The following HDAC4 variants were observed in gnomAD, a reference collection of about 807,000 sequenced individuals.
HDAC4 encodes the protein histone deacetylase A.
A neutral mutation model predicts 135.1 loss-of-function variants in HDAC4; 16 were observed. The ratio of observed to expected loss-of-function variants is 0.12; its 90% CI spans 0.08 to 0.18. The LOEUF is 0.18. Among genes scored for constraint, HDAC4 ranks in the 10% least tolerant of loss-of-function variants. The pLI, the probability that HDAC4 is intolerant of heterozygous loss-of-function variation, is 1.00. For missense variants in HDAC4, 1,143 were observed against 1,511.8 expected, an observed-to-expected ratio of 0.76 and a Z score of 4.05; for synonymous variants, 685 against 653.4, an observed-to-expected ratio of 1.05 and a Z score of -0.74.
chr2:239,189,997 G>C lies in HDAC4; in HGVS notation c.175C>G (p.Leu59Val). 1.2e-6 allele frequency: 2 copies of C among 1,606,346 alleles called. No homozygotes were observed. Among genetic ancestry groups the C allele is most frequent in the Non-Finnish European group, 1.7e-6 (2 of 1,179,894 alleles). ...CGCAGGGCCGGCTCTGCCACAGGCA[G>C]TGAGAACTGGTGGTCCAGGCGCAGG... ...MDLRLDHQFS[L>V]PVAEPALREQ... The change falls in exon 4 of 27, where the codon CTG (leucine) becomes GTG (valine). Residue 59 changes from leucine (L) to valine (V), a missense_variant. This residue lies in a region of HDAC4 where 247 missense variants were observed against 310.0 expected (regional missense o/e 0.80). Transcript: ENST00000543185.
chr2:239,167,207 G>T lies in HDAC4; in HGVS notation c.491-3284C>A, dbSNP rs2043168947. On this transcript the variant is annotated intron_variant, in intron 5 of 26. Transcript: ENST00000543185. This position sits in a 1 kb window ranked among gnomAD's most constrained non-coding sequence, Gnocchi z 4.1. ...TCAGCCTTACCTGCTCAAAACACCAGTTCCCAGGGACAGCTGTTACTGTGG... is the reference window on the plus strand; with the variant it reads ...TCAGCCTTACCTGCTCAAAACACCATTTCCCAGGGACAGCTGTTACTGTGG... Among the ~76,000 whole-genome samples, 1 of 152,218 alleles carries T rather than the reference G, an allele frequency of 6.6e-6. No individual in the cohort carries two copies. The highest frequency in any genetic ancestry group is 2.1e-4 in the South Asian group (1 of 4,828).
intron 2 of HDAC4, among the ~76,000 whole-genome samples, chr2:239,283,742 G>A (rs980177685): frequency 6.6e-6 from 1 of 152,270 alleles, no homozygotes; most frequent in Non-Finnish European, 1.5e-5. Context: ...ACCACGGGCG[G>A]TCATGGAATT....
At chr2:239,200,191 C>T (rs1167153202) in intron 3 of HDAC4, among the ~76,000 whole-genome samples, 1 of 152,152 alleles carries the variant, frequency 6.6e-6, no homozygotes, top group Admixed American at 6.5e-5. Context: ...TCCTGAGGGA[C>T]GGACATGCGT....
intron 1 of HDAC4, among the ~76,000 whole-genome samples, chr2:239,376,677 G>C (rs1041473302): frequency 6.6e-6 from 1 of 152,204 alleles, no homozygotes; most frequent in East Asian, 1.9e-4. Flanking sequence ...TTTTTTGTTA[G>C]TTCAGACCGT....
chr2:239,318,271 C>G (rs2053186383), intron 2 of HDAC4, among the ~76,000 whole-genome samples: 1 of 152,260 alleles, frequency 6.6e-6, no homozygotes, highest in Non-Finnish European at 1.5e-5. Context: ...CAACGAAATA[C>G]TGCGGTGGCC....
intron 13 of HDAC4, among the ~76,000 whole-genome samples, chr2:239,113,732 C>A (rs952703528): frequency 3.3e-5 from 5 of 152,174 alleles, no homozygotes; most frequent in Non-Finnish European, 7.3e-5. Context: ...CAAGGCCCGA[C>A]CACAGGAAGA....
chr2:239,181,114 T>C (rs983238332), intron 4 of HDAC4, among the ~76,000 whole-genome samples: 9 of 152,150 alleles, frequency 5.9e-5, no homozygotes, highest in African/African-American at 1.2e-4. Context: ...CATCCAGACA[T>C]TGGGGACAGG....
intron 3 of HDAC4, among the ~76,000 whole-genome samples, chr2:239,211,048 A>G (rs80288320): frequency 1.6e-4 from 25 of 152,312 alleles, no homozygotes; most frequent in African/African-American, 6.0e-4. Context: ...ACAGTATTTG[A>G]AAGGCTGGAT....
At chr2:239,215,045 C>T (rs1437480211) in intron 3 of HDAC4, among the ~76,000 whole-genome samples, 1 of 152,092 alleles carries the variant, frequency 6.6e-6, no homozygotes, top group African/African-American at 2.4e-5. Flanking sequence ...GAGATCCAGG[C>T]GGGAGCAGAC....
At position 239,249,242 on chromosome 2, in the gene HDAC4, G is replaced by A. The variant is rs576078843; in HGVS notation, c.23-12578C>T. 5.3e-5 allele frequency among the ~76,000 whole-genome samples: 8 copies of A among 152,362 alleles called. No individual in the cohort carries two copies. The South Asian group carries it at 1.7e-3, about 32-fold the overall frequency. On this transcript the variant is annotated intron_variant, in intron 2 of 26. Coordinates refer to ENST00000543185, the MANE Select transcript of HDAC4 (RefSeq NM_001378414.1). ...CCACGGGGCAGACAGAGGAGACACG[G>A]CTGCAGGTCCGAAGGCCATGGTAAG...
intron 4 of HDAC4, 64 bp from the exon 5 acceptor site, chr2:239,176,627 T>A (rs2043794863): frequency 1.3e-6 from 2 of 1,535,258 alleles, no homozygotes; most frequent in Non-Finnish European, 1.8e-6. Context: ...AGAGACCCAA[T>A]GAAGACCCAA....
chr2:239,250,956 CG>C (rs1559285517), intron 2 of HDAC4, among the ~76,000 whole-genome samples: 1 of 152,212 alleles, frequency 6.6e-6, no homozygotes, highest in Non-Finnish European at 1.5e-5. Context: ...CCCCGCCACA[CG>C]CCTGGTTCAC....
chr2:239,073,010 C>T (rs2034354507), intron 22 of HDAC4, among the ~76,000 whole-genome samples: 1 of 152,186 alleles, frequency 6.6e-6, no homozygotes, highest in African/African-American at 2.4e-5. Flanking sequence ...GATCCTGGTG[C>T]CCCGCGTCCC....
At chr2:239,226,215 A>T (rs1212515091) in intron 3 of HDAC4, among the ~76,000 whole-genome samples, 1 of 152,190 alleles carries the variant, frequency 6.6e-6, no homozygotes, top group Non-Finnish European at 1.5e-5. Flanking sequence ...ATGATGCAAA[A>T]ATTCATTCCT....
Position 239,052,119 on chromosome 2 carries a change from G to A in HDAC4, c.*978C>T, listed in dbSNP as rs1044725373. On this transcript the variant is annotated 3_prime_UTR_variant, in exon 27 of 27. Coordinates refer to ENST00000543185, the MANE Select transcript of HDAC4 (RefSeq NM_001378414.1). ...TGACGTGTGAGAACACTTTGGATTC[G>A]TTTAAAATTTGTTGGACTTCAAAAC... 5.9e-5 allele frequency: 9 copies of A among 152,558 alleles called. No individual in the cohort carries two copies. Among genetic ancestry groups the A allele is most frequent in the Non-Finnish European group, 1.0e-4 (7 of 68,034 alleles). The allele number at this position is 152,558 out of a possible 1,614,324, so 9.5% of individuals were successfully genotyped here.
At chr2:239,107,173 CT>C (rs1374742093) in intron 15 of HDAC4, among the ~76,000 whole-genome samples, 2 of 152,258 alleles carry the variant, frequency 1.3e-5, no homozygotes. Context: ...CCTGTGACAG[CT>C]GCCTCCAGGG....
chr2:239,154,887 G>A (rs2042325620), intron 7 of HDAC4: 1 of 152,250 alleles, frequency 6.6e-6, no homozygotes, highest in South Asian at 2.1e-4. Context: ...GAAGCTCTAG[G>A]TTCACTTTTC....
intron 7 of HDAC4, among the ~76,000 whole-genome samples, chr2:239,148,531 A>C (rs1298421125): frequency 6.6e-6 from 1 of 152,208 alleles, no homozygotes; most frequent in Non-Finnish European, 1.5e-5. Context: ...CCTTGAGAAC[A>C]GTTTTGTACT....
intron 2 of HDAC4, among the ~76,000 whole-genome samples, chr2:239,345,471 G>A (rs543083417): frequency 3.3e-5 from 5 of 152,078 alleles, no homozygotes; most frequent in South Asian, 4.2e-4. Flanking sequence ...CCTGAGGTGG[G>A]AGGATCGCTG....
Sources: gnomAD v4.1 joint callset for allele counts (sites outside exome capture counted in the v4.1 genomes callset) on GRCh38, gnomAD v4.1.1 for gene constraint, gnomAD v4.1.1 regional missense constraint, Gnocchi (gnomAD v3.1) non-coding constraint, MANE v1.5 for transcripts, NCBI Gene and HGNC (gene_info 2026-07-23, HGNC 2026-07-21) for gene names.